Variants in PARL observed in about 807,000 individuals in gnomAD.
PARL encodes presenilin-associated rhomboid-like protein, mitochondrial.
In PARL, 44 loss-of-function variants were observed where a neutral mutation model predicts 51.6. That is an observed-to-expected ratio of 0.85 (90% CI 0.67 to 1.10). The LOEUF is 1.10. Ranked by LOEUF, PARL falls within the 50% of genes least tolerant of loss-of-function variation. The probability of loss-of-function intolerance (pLI) is 0.00; values close to 1 mark genes in which losing one functional copy is unlikely to be tolerated. For missense variants in PARL, 441 were observed against 469.5 expected, an observed-to-expected ratio of 0.94 and a Z score of 0.56; for synonymous variants, 172 against 164.0, an observed-to-expected ratio of 1.05 and a Z score of -0.37.
chr3:183,867,872 G>A lies in PARL; in HGVS notation c.314C>T (p.Thr105Ile), dbSNP rs374970060. The change falls in exon 2 of 10, where the codon ACT (threonine) becomes ATT (isoleucine). Residue 105 changes from threonine to isoleucine, a missense_variant. Transcript: ENST00000317096. ...AGCAAAGTGAGCTCTTACCCCAACA[G>A]TAAAAAATAAAGGTTTTATGAGACT... ...IRSLIKPLFF[T>I]VGFTGCAFGS... 5 of 1,610,060 alleles carry A rather than the reference G, an allele frequency of 3.1e-6. No homozygotes were observed. The African/African-American group carries it at 4.0e-5, about 13-fold the overall frequency.
intron 7 of PARL, among the ~76,000 whole-genome samples, chr3:183,837,333 A>G (rs966958705): frequency 6.6e-6 from 1 of 152,176 alleles, no homozygotes; most frequent in South Asian, 2.1e-4. Context: ...TCTCTAGTCA[A>G]GGACCAAAAA....
At chr3:183,850,633 AG>A (rs1184051562) in intron 4 of PARL, among the ~76,000 whole-genome samples, 3 of 152,248 alleles carry the variant, frequency 2.0e-5, no homozygotes, top group Admixed American at 1.3e-4. Flanking sequence ...AAAATAGAAG[AG>A]GAAGGAACAT....
intron 1 of PARL, among the ~76,000 whole-genome samples, chr3:183,881,901 C>T (rs1448964229): frequency 1.3e-5 from 2 of 151,952 alleles, no homozygotes; most frequent in Non-Finnish European, 2.9e-5. Context: ...TGTCAAGTAT[C>T]TTACTTAAAG....
intron 4 of PARL, among the ~76,000 whole-genome samples, chr3:183,857,596 C>T (rs1560405721): frequency 6.6e-6 from 1 of 152,100 alleles, no homozygotes; most frequent in Non-Finnish European, 1.5e-5. Flanking sequence ...ACTAAACATG[C>T]AATGGTTATT....
At chr3:183,840,717 T>TG (rs1729208384) in intron 6 of PARL, 77 bp from the exon 7 acceptor site, 7 of 798,130 alleles carry the variant, frequency 8.8e-6, no homozygotes, top group African/African-American at 1.8e-5. Flanking sequence ...TTCTTTTTTT[T>TG]TTTTTTGAGA....
chr3:183,844,254 T>C lies in PARL; in HGVS notation c.584A>G (p.Tyr195Cys). ...ACTTGAGGCTGGATTCGATGTGAAA[T>C]ATCTGATCATTGTCCGCTGCAGAGA... Reference protein sequence around the residue: ...VPSLQRTMIRYFTSNPASKVL... With the variant: ...VPSLQRTMIRCFTSNPASKVL... Residue 195 changes from tyrosine (Y) to cysteine (C), a missense_variant, in exon 5 of 10, where the codon TAT becomes TGT. Coordinates refer to ENST00000317096, the MANE Select transcript of PARL (RefSeq NM_018622.7). The C allele has an allele frequency of 6.2e-7, 1 of 1,606,026 alleles. No individual in the cohort carries two copies. Among genetic ancestry groups the C allele is most frequent in the Non-Finnish European group, 8.5e-7 (1 of 1,173,526 alleles).
chr3:183,853,847 AAAATGGTACAACCG>A (rs1730829626), intron 4 of PARL, among the ~76,000 whole-genome samples: 1 of 152,242 alleles, frequency 6.6e-6, no homozygotes, highest in Non-Finnish European at 1.5e-5. Context: ...GCGAGAATGT[AAAATGGTACAACCG>A]CCATGGAAAA....
intron 1 of PARL, among the ~76,000 whole-genome samples, chr3:183,881,907 T>C (rs935302081): frequency 2.0e-5 from 3 of 151,950 alleles, no homozygotes; most frequent in Non-Finnish European, 4.4e-5. Context: ...GTATCTTACT[T>C]AAAGATATTT....
At chr3:183,855,981 A>C (rs1731115005) in intron 4 of PARL, among the ~76,000 whole-genome samples, 1 of 151,420 alleles carries the variant, frequency 6.6e-6, no homozygotes, top group Admixed American at 6.6e-5. Context: ...CAAAAAAAAA[A>C]ACAAAAAAAA....
chr3:183,875,983 G>C (rs1029251670), intron 1 of PARL, among the ~76,000 whole-genome samples: 1 of 152,076 alleles, frequency 6.6e-6, no homozygotes, highest in Non-Finnish European at 1.5e-5. Context: ...TCTACAAATC[G>C]AACAACAAAG....
intron 1 of PARL, among the ~76,000 whole-genome samples, chr3:183,877,958 T>C (rs983938145): frequency 6.6e-6 from 1 of 152,078 alleles, no homozygotes; most frequent in African/African-American, 2.4e-5. Context: ...ACCTGGCTAA[T>C]TTTTGTATTT....
intron 4 of PARL, among the ~76,000 whole-genome samples, chr3:183,856,899 T>G (rs1283689346): frequency 3.9e-5 from 6 of 152,236 alleles, no homozygotes; most frequent in African/African-American, 1.4e-4. Context: ...CAATTCTATT[T>G]CCAGTAACTT....
At chr3:183,858,308 G>C (rs1458693349) in intron 4 of PARL, among the ~76,000 whole-genome samples, 1 of 152,102 alleles carries the variant, frequency 6.6e-6, no homozygotes, top group African/African-American at 2.4e-5. Context: ...CCTTGAAAAG[G>C]TACAAGGAGA....
chr3:183,862,598 C>T (rs1047447800), intron 4 of PARL, 155 bp downstream of exon 4: 5 of 663,900 alleles, frequency 7.5e-6, no homozygotes, highest in African/African-American at 1.8e-5. Flanking sequence ...TTATACCTCA[C>T]CACTTTATAT....
chr3:183,876,580 T>C (rs1348889421), intron 1 of PARL, among the ~76,000 whole-genome samples: 1 of 142,924 alleles, frequency 7.0e-6, no homozygotes, highest in African/African-American at 2.6e-5. Flanking sequence ...ATATATTTTC[T>C]TTTTTTATTC....
chr3:183,870,624 T>G (rs1212173725), intron 1 of PARL, among the ~76,000 whole-genome samples: 1 of 152,114 alleles, frequency 6.6e-6, no homozygotes, highest in African/African-American at 2.4e-5. Context: ...CCACTCCAAG[T>G]GCATCCTTCA....
intron 2 of PARL, 145 bp from the exon 3 acceptor site, chr3:183,866,910 AG>A: frequency 1.5e-6 from 1 of 649,868 alleles, no homozygotes; most frequent in East Asian, 2.9e-5. Flanking sequence ...ATAAGTGAAA[AG>A]GGCTTTTTTT....
chr3:183,873,263 T>G (rs990288588), intron 1 of PARL, among the ~76,000 whole-genome samples: 2 of 152,174 alleles, frequency 1.3e-5, no homozygotes, highest in African/African-American at 4.8e-5. Flanking sequence ...CCCAGCACTT[T>G]GGGAGGCTGG....
chr3:183,829,611 C>T lies in PARL; in HGVS notation c.1127G>A (p.Gly376Asp), dbSNP rs1231492457. The T allele has an allele frequency of 8.1e-6, 13 of 1,614,028 alleles. No homozygotes were observed. The highest frequency in any genetic ancestry group is 1.0e-5 in the Non-Finnish European group (12 of 1,180,048). The stretch of plus-strand genomic sequence containing the variant: ...CCAATCCCAGTTTTACTTAGAGCCA[C>T]CTCCTTTTTTGGGGCCATTAGTCCT... Reference protein sequence around the residue: ...EIRTNGPKKGGGSK With the variant: ...EIRTNGPKKGDGSK The change falls in exon 10 of 10, where the codon GGT becomes GAT. Residue 376 changes from glycine (G) to aspartate (D), a missense_variant. Transcript: ENST00000317096.
Sources: allele counts gnomAD v4.1 joint callset (sites outside exome capture counted in the v4.1 genomes callset), GRCh38; gene constraint gnomAD v4.1.1; transcripts MANE v1.5; gene names NCBI Gene and HGNC (gene_info 2026-07-23, HGNC 2026-07-21).